The following FCN3 variants were observed in gnomAD, a reference collection of about 807,000 sequenced individuals.
The protein encoded by FCN3 is ficolin-3.
Under a neutral mutation model 31.5 loss-of-function variants are expected in FCN3, and 28 were observed. The ratio of observed to expected loss-of-function variants is 0.89; its 90% confidence interval spans 0.66 to 1.22. The LOEUF is 1.22. Ranked by LOEUF, FCN3 falls within the 50% of genes most tolerant of loss-of-function variation. The pLI, the probability that FCN3 is intolerant of heterozygous loss-of-function variation, is 0.00. For missense variants in FCN3, 351 were observed against 386.8 expected (o/e 0.91, Z 0.78); for synonymous variants, 124 against 147.4 (o/e 0.84, Z 1.15).
At position 27,369,441 on chromosome 1, in the gene FCN3, G is replaced by A; in HGVS notation, c.695C>T (p.Thr232Ile). Residue 232 changes from threonine (T) to isoleucine (I), a missense_variant, in exon 8 of 8, where the codon ACC becomes ATC. Physicochemically the swap from Thr to Ile is moderately conservative, Grantham distance 89. Coordinates refer to ENST00000270879, the MANE Select transcript of FCN3 (RefSeq NM_003665.4). ...SLSLHSGRPF[T>I]TYDADHDSSN... ...TGAATCGTGGTCAGCGTCATAGGTGGTAAAGGGCCTCCCACTGTGGAGGCT... is the reference window on the plus strand; with the variant it reads ...TGAATCGTGGTCAGCGTCATAGGTGATAAAGGGCCTCCCACTGTGGAGGCT... 1 of 1,614,212 alleles carries A rather than the reference G, an allele frequency of 6.2e-7. No homozygotes were observed. The highest frequency in any genetic ancestry group is 8.5e-7 in the Non-Finnish European group (1 of 1,180,012).
chr1:27,374,567 G>T, intron 1 of FCN3, 116 bp from the exon 2 acceptor site: 1 of 815,088 alleles, frequency 1.2e-6, no homozygotes, highest in East Asian at 2.7e-5. Flanking sequence ...TCCTGAGCTG[G>T]CAAGGTTTCG....
chr1:27,370,547 C>T, intron 7 of FCN3, 49 bp downstream of exon 7: 1 of 1,549,582 alleles, frequency 6.5e-7, no homozygotes, highest in Non-Finnish European at 8.9e-7. Context: ...AGTGGCAGCA[C>T]TGGGAAAGGA....
At chr1:27,371,432 CG>C (rs1206274421) in intron 5 of FCN3, among the ~76,000 whole-genome samples, 1 of 151,992 alleles carries the variant, frequency 6.6e-6, no homozygotes, top group Non-Finnish European at 1.5e-5. Context: ...AAATATTAGC[CG>C]GGTGTGGTGG....
chr1:27,374,334 C>G (rs1445779809), intron 2 of FCN3, 22 bp downstream of exon 2: 5 of 1,562,590 alleles, frequency 3.2e-6, no homozygotes, highest in Non-Finnish European at 4.4e-6. Flanking sequence ...AAGATCCCAG[C>G]CCGCTCCCCA....
chr1:27,373,346 C>G, intron 4 of FCN3, 83 bp from the exon 5 acceptor site: 1 of 1,602,148 alleles, frequency 6.2e-7, no homozygotes, highest in Non-Finnish European at 8.5e-7. Context: ...GTGTGGGACC[C>G]TAGGGACCCT....
chr1:27,372,563 G>A (rs2016167488), intron 5 of FCN3, among the ~76,000 whole-genome samples: 1 of 152,124 alleles, frequency 6.6e-6, no homozygotes, highest in African/African-American at 2.4e-5. Context: ...CCGCGTCTGG[G>A]CGCGCTGCAC....
chr1:27,370,009 CTT>C (rs34560038), intron 7 of FCN3, among the ~76,000 whole-genome samples: 214 of 144,802 alleles, frequency 1.5e-3, no homozygotes, highest in African/African-American at 4.7e-3. Flanking sequence ...CTCCCCCCGC[CTT>C]TTTTTTTTTT....
intron 5 of FCN3, among the ~76,000 whole-genome samples, chr1:27,372,534 C>T (rs996923727): frequency 1.3e-5 from 2 of 152,110 alleles, no homozygotes; most frequent in Middle Eastern, 3.2e-3. Flanking sequence ...AGGCGTGAGC[C>T]ACCACGTCCA....
chr1:27,370,923 G>A lies in FCN3; in HGVS notation c.443C>T (p.Ser148Phe), dbSNP rs2016133271. ...DGSVDFFRSW[S>F]SYRAGFGNQE... ...GTTCCCAAAACCTGCTCTGTAGGAGGACCAAGAGCGGAAGAAATCCACAGA... is the reference window on the plus strand; with the variant it reads ...GTTCCCAAAACCTGCTCTGTAGGAGAACCAAGAGCGGAAGAAATCCACAGA... Residue 148 changes from serine to phenylalanine, a missense_variant, in exon 6 of 8, where the codon TCC becomes TTC. Physicochemically the swap from Ser to Phe is radical, Grantham distance 155 (BLOSUM62 -2). Transcript: ENST00000270879. The A allele has an allele frequency of 6.2e-7, 1 of 1,613,596 alleles. No individual in the cohort carries two copies. The highest frequency in any genetic ancestry group is 1.3e-5 in the African/African-American group (1 of 74,858).
At chr1:27,372,825 T>A (rs2016174680) in intron 5 of FCN3, among the ~76,000 whole-genome samples, 5 of 130,008 alleles carry the variant, frequency 3.8e-5, no homozygotes, top group Admixed American at 2.8e-4. Context: ...TCACCCAGGC[T>A]GGAGTGCAAT....
chr1:27,371,433 G>C (rs562846661), intron 5 of FCN3, among the ~76,000 whole-genome samples: 1 of 152,008 alleles, frequency 6.6e-6, no homozygotes, highest in South Asian at 2.1e-4. Flanking sequence ...AATATTAGCC[G>C]GGTGTGGTGG....
At position 27,370,980 on chromosome 1, in the gene FCN3, A is replaced by AG. The variant is rs377733543; in HGVS notation, c.394-9dup. ...CTGGCGCCTCTGAAACACCTGGGGG[A>AG]GGGGGGGCACAGCAGCTATTACTCC... is the stretch of plus-strand genomic sequence containing the variant. On this transcript the variant is annotated splice_polypyrimidine_tract_variant and intron_variant, in intron 5 of 7. Transcript: ENST00000270879. 2.3e-5 allele frequency: 37 copies of AG among 1,600,588 alleles called. No homozygotes were observed. The highest frequency in any genetic ancestry group is 4.1e-5 in the African/African-American group (3 of 73,018).
intron 5 of FCN3, 23 bp from the exon 6 acceptor site, chr1:27,370,995 GCTATTACT>G: frequency 7.5e-6 from 12 of 1,609,454 alleles, no homozygotes; most frequent in Non-Finnish European, 1.0e-5. Flanking sequence ...GGGCACAGCA[GCTATTACT>G]CCAGGCTGGG....
chr1:27,373,312 C>A (rs1216377503), intron 4 of FCN3, 49 bp from the exon 5 acceptor site: 2 of 1,610,738 alleles, frequency 1.2e-6, no homozygotes, highest in Non-Finnish European at 8.5e-7. Flanking sequence ...ATTCCCTGAC[C>A]CCCACCCCCA....
chr1:27,373,227 G>A lies in FCN3; in HGVS notation c.302C>T (p.Ala101Val). 6.2e-7 allele frequency: 1 copy of A among 1,614,108 alleles called. No individual in the cohort carries two copies. The highest frequency in any genetic ancestry group is 8.5e-7 in the Non-Finnish European group (1 of 1,180,006). The change falls in exon 5 of 8, where the codon GCC (alanine) becomes GTC (valine). Residue 101 changes from alanine (A) to valine (V), a missense_variant. By Grantham distance (64) the Ala-to-Val change is moderately conservative (BLOSUM62 0). Coordinates refer to ENST00000270879, the MANE Select transcript of FCN3 (RefSeq NM_003665.4). ...CAGATGGTACCAGCCGCTCAAGGTG[G>A]CGCCCTGGCTCAACAGCTCCCGGCA... The part of the protein sequence containing the change: ...RNCRELLSQG[A>V]TLSGWYHLCL...
chr1:27,370,562 G>T (rs370265434), intron 7 of FCN3, 34 bp downstream of exon 7: 4 of 1,590,136 alleles, frequency 2.5e-6, no homozygotes, highest in East Asian at 2.2e-5. Context: ...AAAGGATCCA[G>T]CCTCCTTCCT....
chr1:27,370,524 C>T, intron 7 of FCN3, 72 bp downstream of exon 7: 1 of 1,349,300 alleles, frequency 7.4e-7, no homozygotes, highest in Non-Finnish European at 1.1e-6. Flanking sequence ...TGCCCTGGGT[C>T]ATTCATGGGG....
intron 3 of FCN3, 129 bp downstream of exon 3, chr1:27,373,836 C>T: frequency 1.2e-6 from 1 of 844,888 alleles, no homozygotes; most frequent in South Asian, 1.6e-5. Context: ...TAATCCTTCC[C>T]ACTCCTCCCA....
In FCN3 at chr1:27,369,482, C is replaced by T; in HGVS notation, c.659-5G>A. 1 of 1,612,762 alleles carries T rather than the reference C, an allele frequency of 6.2e-7. No homozygotes were observed. The highest frequency in any genetic ancestry group is 8.5e-7 in the Non-Finnish European group (1 of 1,178,844). ...TGTGGAGGCTCAGGGAATCCCCTAGCAGGGAAGGGATGGAAAGCACCTTGG... is the reference window on the plus strand; with the variant it reads ...TGTGGAGGCTCAGGGAATCCCCTAGTAGGGAAGGGATGGAAAGCACCTTGG... On this transcript the variant is annotated splice_polypyrimidine_tract_variant and splice_region_variant and intron_variant, in intron 7 of 7. Transcript: ENST00000270879.
Sources: allele counts gnomAD v4.1 joint callset (sites outside exome capture counted in the v4.1 genomes callset), GRCh38; gene constraint gnomAD v4.1.1; transcripts MANE v1.5; gene names NCBI Gene and HGNC (gene_info 2026-07-23, HGNC 2026-07-21).